Variants in PPARGC1A observed in about 807,000 individuals in gnomAD.
The protein encoded by PPARGC1A is PPARG coactivator 1 alpha.
In PPARGC1A, 25 loss-of-function variants were observed where a neutral mutation model predicts 88.7. The ratio of observed to expected loss-of-function variants is 0.28; its 90% CI spans 0.21 to 0.39. The LOEUF (loss-of-function observed/expected upper bound fraction) is 0.39. PPARGC1A is among the 10% of genes least tolerant of loss of function. The pLI, the probability that PPARGC1A is intolerant of heterozygous loss-of-function variation, is 1.00. For missense variants in PPARGC1A, 880 were observed against 968.7 expected (o/e 0.91, Z 1.22); for synonymous variants, 363 against 355.6 (o/e 1.02, Z -0.24).
the PPARGC1A span, among the ~76,000 whole-genome samples, chr4:24,178,567 G>A: frequency 6.6e-6 from 1 of 152,146 alleles, no homozygotes; most frequent in East Asian, 1.9e-4. Context: ...GCAGTTAACT[G>A]TAGAGAAAAA....
intron 2 of PPARGC1A, among the ~76,000 whole-genome samples, chr4:23,874,859 C>T (rs1714369806): frequency 2.6e-5 from 4 of 152,186 alleles, no homozygotes; most frequent in African/African-American, 9.7e-5. Flanking sequence ...AACCAATTTA[C>T]AAGTGTTCGC....
chr4:24,249,235 C>T, the PPARGC1A span, among the ~76,000 whole-genome samples: 1 of 152,056 alleles, frequency 6.6e-6, no homozygotes, highest in South Asian at 2.1e-4. Context: ...TATGAACATA[C>T]AGGAAAGAAA....
chr4:24,027,296 A>G, the PPARGC1A span, among the ~76,000 whole-genome samples: 3 of 151,738 alleles, frequency 2.0e-5, no homozygotes, highest in African/African-American at 7.3e-5. Flanking sequence ...ATAGCATAAC[A>G]TGGGCTATAG....
the PPARGC1A span, among the ~76,000 whole-genome samples, chr4:24,283,387 T>C: frequency 2.0e-5 from 3 of 152,174 alleles, no homozygotes; most frequent in Non-Finnish European, 4.4e-5. Context: ...CCACCTGCCC[T>C]ACCCACCTTC....
At chr4:24,241,384 G>T in the PPARGC1A span, among the ~76,000 whole-genome samples, 1 of 152,166 alleles carries the variant, frequency 6.6e-6, no homozygotes, top group East Asian at 1.9e-4. Flanking sequence ...GGAAGACAGG[G>T]GTAACATTTT....
At chr4:24,066,678 T>C in the PPARGC1A span, among the ~76,000 whole-genome samples, 1 of 152,126 alleles carries the variant, frequency 6.6e-6, no homozygotes, top group Non-Finnish European at 1.5e-5. Flanking sequence ...CAAGAACCCA[T>C]ACACTGTGAT....
the PPARGC1A span, among the ~76,000 whole-genome samples, chr4:24,103,595 C>CAAAAAAAAA: frequency 8.2e-6 from 1 of 121,598 alleles, no homozygotes; most frequent in African/African-American, 3.2e-5. Flanking sequence ...TGCCTTCTTC[C>CAAAAAAAAA]AAAAAAAAAA....
the PPARGC1A span, among the ~76,000 whole-genome samples, chr4:23,947,396 T>A: frequency 1.0e-4 from 2 of 19,842 alleles, no homozygotes; most frequent in African/African-American, 3.7e-4. Flanking sequence ...TATATATATA[T>A]AAAAAAAACG....
chr4:24,227,951 G>A, the PPARGC1A span, among the ~76,000 whole-genome samples: 1 of 152,272 alleles, frequency 6.6e-6, no homozygotes, highest in Middle Eastern at 3.4e-3. Flanking sequence ...ATTTCCCTGG[G>A]AAACAGCTGT....
At chr4:24,012,840 C>T in the PPARGC1A span, among the ~76,000 whole-genome samples, 3 of 152,182 alleles carry the variant, frequency 2.0e-5, no homozygotes, top group South Asian at 6.2e-4. Flanking sequence ...TTGCAGCATT[C>T]CTTTGTAGCT....
At chr4:23,988,817 C>T in the PPARGC1A span, among the ~76,000 whole-genome samples, 687 of 148,188 alleles carry the variant, frequency 4.6e-3, 7 homozygotes, top group African/African-American at 0.016. Context: ...TACTATTATA[C>T]ATATATTTTA....
the PPARGC1A span, among the ~76,000 whole-genome samples, chr4:24,308,965 G>T: frequency 6.6e-6 from 1 of 151,926 alleles, no homozygotes; most frequent in Non-Finnish European, 1.5e-5. Context: ...TGAGTAGAAG[G>T]TGTTAGAAAA....
chr4:24,073,910 A>T, the PPARGC1A span, among the ~76,000 whole-genome samples: 1 of 152,146 alleles, frequency 6.6e-6, no homozygotes, highest in African/African-American at 2.4e-5. Context: ...GAAAGAGGGC[A>T]GAACTGTGAT....
the PPARGC1A span, among the ~76,000 whole-genome samples, chr4:23,985,971 G>C: frequency 6.6e-6 from 1 of 151,906 alleles, no homozygotes; most frequent in African/African-American, 2.4e-5. Flanking sequence ...TCTGACCTTG[G>C]ACAATGACCC....
At chr4:23,887,481 T>C (rs2970875) in intron 1 of PPARGC1A, among the ~76,000 whole-genome samples, 8,857 of 152,234 alleles carry the variant, frequency 0.058, 855 homozygotes, top group African/African-American at 0.2. Flanking sequence ...TTTATTGCAA[T>C]TACACAGACA....
chr4:23,925,120 T>A, the PPARGC1A span, among the ~76,000 whole-genome samples: 1 of 152,352 alleles, frequency 6.6e-6, no homozygotes, highest in South Asian at 2.1e-4. Context: ...AAGCATTTTG[T>A]TTTTAATTAA....
the PPARGC1A span, among the ~76,000 whole-genome samples, chr4:24,347,365 T>C: frequency 6.6e-6 from 1 of 152,220 alleles, no homozygotes; most frequent in African/African-American, 2.4e-5. Flanking sequence ...CAGTGGAGTA[T>C]TGAAGTCCAC....
the PPARGC1A span, among the ~76,000 whole-genome samples, chr4:24,258,940 C>G: frequency 6.6e-6 from 1 of 152,072 alleles, no homozygotes; most frequent in Non-Finnish European, 1.5e-5. Context: ...TTGGAGGACA[C>G]AAAAATGTAT....
chr4:23,920,597 T>C, the PPARGC1A span, among the ~76,000 whole-genome samples: 1 of 152,176 alleles, frequency 6.6e-6, no homozygotes, highest in Non-Finnish European at 1.5e-5. Context: ...GTTGTACAGT[T>C]CAAAGCTTCA....
Sources: gnomAD v4.1 joint callset for allele counts (sites outside exome capture counted in the v4.1 genomes callset) on GRCh38, gnomAD v4.1.1 for gene constraint, MANE v1.5 for transcripts, NCBI Gene and HGNC (gene_info 2026-07-23, HGNC 2026-07-21) for gene names.